The following WIPF2 variants were observed in gnomAD, a reference collection of about 807,000 sequenced individuals.
WIPF2 encodes WAS/WASL-interacting protein family member 2.
Under a neutral mutation model 38.8 loss-of-function variants are expected in WIPF2, and 23 were observed. The ratio of observed to expected loss-of-function variants is 0.59; its 90% CI spans 0.43 to 0.84. The LOEUF (loss-of-function observed/expected upper bound fraction) is 0.84, where lower values mean the gene tolerates loss of function less well. Ranked by LOEUF, WIPF2 falls within the 40% of genes least tolerant of loss-of-function variation. WIPF2 has a pLI of 0.00. For missense variants in WIPF2, 574 were observed against 580.5 expected (o/e 0.99, Z 0.11); for synonymous variants, 210 against 223.2 (o/e 0.94, Z 0.53).
At chr17:40,231,472 CTGG>C (rs1268543062) in intron 1 of WIPF2, among the ~76,000 whole-genome samples, 4 of 147,320 alleles carry the variant, frequency 2.7e-5, no homozygotes, top group Non-Finnish European at 5.9e-5. Context: ...TGTGTCCCAG[CTGG>C]AGTGCAGTGG....
Position 40,229,149 on chromosome 17 carries a change from T to C in WIPF2, c.-70+9657T>C, listed in dbSNP as rs371812872. ...TTTTTTTAGATGAGTTTTGTTCTTG[T>C]TGCCCAGGCTGGAGTGCAATGGCAT... On this transcript the variant is annotated intron_variant, in intron 1 of 7. Coordinates refer to ENST00000323571, the MANE Select transcript of WIPF2 (RefSeq NM_133264.5). 5.3e-5 allele frequency among the ~76,000 whole-genome samples: 8 copies of C among 151,992 alleles called. No individual in the cohort carries two copies. In the East Asian group the frequency reaches 1.4e-3, roughly 26 times the overall value.
intron 5 of WIPF2, among the ~76,000 whole-genome samples, chr17:40,265,963 T>C (rs2032074192): frequency 6.6e-6 from 1 of 151,964 alleles, no homozygotes; most frequent in East Asian, 1.9e-4. Context: ...TTGAGACAAG[T>C]TTGAGATGCC....
intron 5 of WIPF2, among the ~76,000 whole-genome samples, chr17:40,268,857 T>G (rs1038916120): frequency 3.3e-5 from 5 of 152,286 alleles, no homozygotes; most frequent in African/African-American, 1.2e-4. Context: ...TTCTCACCGA[T>G]TCTCTTTTCT....
intron 1 of WIPF2, chr17:40,220,553 C>G (rs1469853807): frequency 2.2e-5 from 3 of 134,112 alleles, no homozygotes; most frequent in Admixed American, 1.6e-4. Context: ...GACCACTACT[C>G]CCGCCTAACG....
intron 1 of WIPF2, among the ~76,000 whole-genome samples, chr17:40,243,842 C>G (rs1316155502): frequency 6.6e-6 from 1 of 152,034 alleles, no homozygotes; most frequent in Non-Finnish European, 1.5e-5. Context: ...TTTTAATATT[C>G]ATGATGGTTA....
intron 5 of WIPF2, among the ~76,000 whole-genome samples, chr17:40,271,648 G>A (rs1443292160): frequency 6.6e-6 from 1 of 152,206 alleles, no homozygotes; most frequent in East Asian, 1.9e-4. Flanking sequence ...GAGCAGACAT[G>A]TGCCTTGCCT....
intron 5 of WIPF2, among the ~76,000 whole-genome samples, chr17:40,265,681 G>A (rs1447124447): frequency 6.6e-6 from 1 of 152,138 alleles, no homozygotes; most frequent in Non-Finnish European, 1.5e-5. Context: ...GGTAGGACTT[G>A]GAGGTTGGAA....
At chr17:40,253,104 C>T (rs1300130657) in intron 1 of WIPF2, among the ~76,000 whole-genome samples, 2 of 146,446 alleles carry the variant, frequency 1.4e-5, no homozygotes, top group African/African-American at 5.1e-5. Context: ...ACTCTGTCAC[C>T]CAGGCTGGAG....
At chr17:40,277,940 G>A (rs2032456378) in intron 7 of WIPF2, among the ~76,000 whole-genome samples, 1 of 152,052 alleles carries the variant, frequency 6.6e-6, no homozygotes, top group African/African-American at 2.4e-5. Context: ...TGGCCAGGCT[G>A]GTCTGAAACT....
At chr17:40,226,362 C>T (rs1413128836) in intron 1 of WIPF2, among the ~76,000 whole-genome samples, 2 of 151,810 alleles carry the variant, frequency 1.3e-5, no homozygotes, top group East Asian at 3.9e-4. Context: ...CACCACCACA[C>T]CCGGCTAATT....
intron 3 of WIPF2, among the ~76,000 whole-genome samples, chr17:40,261,514 G>T (rs2031899407): frequency 6.6e-6 from 1 of 151,208 alleles, no homozygotes; most frequent in Non-Finnish European, 1.5e-5. Context: ...GGCCAGGCTG[G>T]TCTTGACCTC....
chr17:40,244,406 C>T (rs1211831563), intron 1 of WIPF2, among the ~76,000 whole-genome samples: 1 of 152,122 alleles, frequency 6.6e-6, no homozygotes, highest in Non-Finnish European at 1.5e-5. Context: ...TGAGCTCCTA[C>T]CTCCCATGCT....
chr17:40,232,041 C>A (rs2030767077), intron 1 of WIPF2, among the ~76,000 whole-genome samples: 1 of 132,358 alleles, frequency 7.6e-6, no homozygotes, highest in South Asian at 2.4e-4. Context: ...GAGACAGGAT[C>A]TGGCTTTGTC....
At chr17:40,266,171 G>A (rs2032078723) in intron 5 of WIPF2, among the ~76,000 whole-genome samples, 1 of 149,848 alleles carries the variant, frequency 6.7e-6, no homozygotes, top group African/African-American at 2.5e-5. Flanking sequence ...TCAGGAGGCA[G>A]AGGTTGCAGT....
chr17:40,264,717 C>G lies in WIPF2; in HGVS notation c.541C>G (p.Pro181Ala), dbSNP rs765158018. ...CAGCTCCTCTGCCCCTCCCCCACCA[C>G]CCCCAGGGCGGCGTGCCAACGCACC... The part of the protein sequence containing the change: ...KHSSSAPPPP[P>A]PGRRANAPPT... Residue 181 changes from proline (P) to alanine (A), a missense_variant, in exon 5 of 8, where the codon CCC becomes GCC. Transcript: ENST00000323571. 1 of 1,610,756 alleles carries G rather than the reference C, an allele frequency of 6.2e-7. No homozygotes were observed. Among genetic ancestry groups the G allele is most frequent in the Non-Finnish European group, 8.5e-7 (1 of 1,178,474 alleles).
In WIPF2 at chr17:40,282,474, T is replaced by A. The variant is rs189395919; in HGVS notation, c.*4249T>A. ...GCGTGCGCACGCGTGTGCGTGTGTG[T>A]GTTCATCTGTCTGCATGTGGATCAA... On this transcript the variant is annotated 3_prime_UTR_variant, in exon 8 of 8. Transcript: ENST00000323571. 1 of 152,282 alleles carries A rather than the reference T, an allele frequency of 6.6e-6. No homozygotes were observed. The highest frequency in any genetic ancestry group is 1.9e-4 in the East Asian group (1 of 5,190). The allele number at this position is 152,282 out of a possible 1,614,324, so 9.4% of individuals were successfully genotyped here.
intron 1 of WIPF2, among the ~76,000 whole-genome samples, chr17:40,237,264 A>T (rs1233643298): frequency 2.9e-5 from 4 of 136,198 alleles, no homozygotes; most frequent in Non-Finnish European, 6.2e-5. Flanking sequence ...TTTTTGAGAC[A>T]GAGTCTCACT....
intron 1 of WIPF2, among the ~76,000 whole-genome samples, chr17:40,254,121 A>G (rs12944531): frequency 0.092 from 13,946 of 151,622 alleles, 2,182 homozygotes; most frequent in African/African-American, 0.32. Context: ...GGTTCAAGCA[A>G]CTCGGCTGCC....
chr17:40,247,600 C>T (rs1172062854), intron 1 of WIPF2, among the ~76,000 whole-genome samples: 2 of 151,750 alleles, frequency 1.3e-5, no homozygotes, highest in African/African-American at 4.8e-5. Flanking sequence ...CAGCTCACTG[C>T]AGCCTCCACC....
Sources: gnomAD v4.1 joint callset for allele counts (sites outside exome capture counted in the v4.1 genomes callset) on GRCh38, gnomAD v4.1.1 for gene constraint, MANE v1.5 for transcripts, NCBI Gene and HGNC (gene_info 2026-07-23, HGNC 2026-07-21) for gene names.